Variants in PRKDC observed in about 807,000 individuals in gnomAD.
The protein encoded by PRKDC is protein kinase, DNA-activated, catalytic subunit.
Under a neutral mutation model 486.9 loss-of-function variants are expected in PRKDC, and 82 were observed. The ratio of observed to expected loss-of-function variants is 0.17; its 90% CI spans 0.14 to 0.20. PRKDC has a LOEUF of 0.20. PRKDC is among the 10% of genes least tolerant of loss of function. The pLI, the probability that PRKDC is intolerant of heterozygous loss-of-function variation, is 1.00. For missense variants in PRKDC, 4,504 were observed against 5,038.2 expected (o/e 0.89, Z 3.21); for synonymous variants, 1,895 against 1,837.0 (o/e 1.03, Z -0.81).
At chr8:47,946,450 G>A (rs1483776268) in intron 7 of PRKDC, among the ~76,000 whole-genome samples, 2 of 151,920 alleles carry the variant, frequency 1.3e-5, no homozygotes, top group East Asian at 3.9e-4. Context: ...CACTCTAGAG[G>A]TCCCATTTCT....
intron 31 of PRKDC, among the ~76,000 whole-genome samples, chr8:47,891,841 C>T (rs80143396): frequency 0.012 from 1,784 of 152,214 alleles, 35 homozygotes; most frequent in East Asian, 0.083. Flanking sequence ...TTAGAATAAA[C>T]CAAATATGGC....
At chr8:47,806,443 T>G (rs1199088703) in intron 69 of PRKDC, among the ~76,000 whole-genome samples, 1 of 152,216 alleles carries the variant, frequency 6.6e-6, no homozygotes, top group African/African-American at 2.4e-5. Flanking sequence ...AAATTCTTAC[T>G]TGATATTACA....
At position 47,902,576 on chromosome 8, in the gene PRKDC, C is replaced by T; in HGVS notation, c.3262G>A (p.Glu1088Lys). Reference sequence around the variant, plus strand: ...GTTGTGTAGCTTACAAACCTGAATTCCCTGTAGATATTATTAAAGGCAAGT... The same window carrying T: ...GTTGTGTAGCTTACAAACCTGAATTTCCTGTAGATATTATTAAAGGCAAGT... ...ASLAFNNIYR[E>K]FREEESLVEQ... Residue 1088 changes from glutamate (E) to lysine (K), a missense_variant, in exon 27 of 86, where the codon GAA (glutamate) becomes AAA (lysine). This residue lies in a region of PRKDC where 1,969 missense variants were observed against 2,068.9 expected (regional missense o/e 0.95). Coordinates refer to ENST00000314191, the MANE Select transcript of PRKDC (RefSeq NM_006904.7). 1.3e-6 allele frequency: 2 copies of T among 1,572,456 alleles called. No individual in the cohort carries two copies. The highest frequency in any genetic ancestry group is 8.6e-7 in the Non-Finnish European group (1 of 1,161,874).
Position 47,826,318 on chromosome 8 carries a change from A to G in PRKDC, c.8783+338T>C, listed in dbSNP as rs1185267321. Among the ~76,000 whole-genome samples, 8 of 152,372 alleles carry G rather than the reference A, an allele frequency of 5.3e-5. No homozygotes were observed. The East Asian group carries it at 1.5e-3, about 29-fold the overall frequency. On this transcript the variant is annotated intron_variant, in intron 63 of 85. Coordinates refer to ENST00000314191, the MANE Select transcript of PRKDC (RefSeq NM_006904.7). The stretch of plus-strand genomic sequence containing the variant: ...AAATCTTCCTCCATTCAGTGTAGTG[A>G]AGCAGGAAATAACATAAAATATTAG...
rs1380844431 is a variant in PRKDC, at chr8:47,859,005, A to C, written c.6208-19T>G. ...GCTGCTCCTGCGAAAGGGAGGGCCCAGGAGAGCAGAGGGTACAGTTAACAT... is the reference window on the plus strand; with the variant it reads ...GCTGCTCCTGCGAAAGGGAGGGCCCCGGAGAGCAGAGGGTACAGTTAACAT... On this transcript the variant is annotated intron_variant, in intron 46 of 85. Coordinates refer to ENST00000314191, the MANE Select transcript of PRKDC (RefSeq NM_006904.7). The C allele has an allele frequency of 6.2e-7, 1 of 1,610,506 alleles. No homozygotes were observed.
chr8:47,859,814 T>G, intron 45 of PRKDC, 55 bp from the exon 46 acceptor site: 5 of 1,470,046 alleles, frequency 3.4e-6, no homozygotes, highest in Non-Finnish European at 4.7e-6. Context: ...TAGTAAGAAA[T>G]GTATTTCTCT....
rs1179681580 is a variant in PRKDC, at chr8:47,929,923, G to A, written c.1982C>T (p.Pro661Leu). The change falls in exon 18 of 86, where the codon CCC becomes CTC. Residue 661 changes from proline to leucine, a missense_variant. Coordinates refer to ENST00000314191, the MANE Select transcript of PRKDC (RefSeq NM_006904.7). ...YELILQSTRL[P>L]LISGFYKLLS... ...CAATTTGTAGAAACCACTGATGAGG[G>A]GCAACCTTGTAGATTGCAAAATTAA... The A allele has an allele frequency of 5.0e-6, 8 of 1,608,544 alleles. No homozygotes were observed. The highest frequency in any genetic ancestry group is 6.8e-6 in the Non-Finnish European group (8 of 1,178,012).
intron 70 of PRKDC, among the ~76,000 whole-genome samples, chr8:47,802,865 G>T (rs2087137979): frequency 6.6e-6 from 1 of 152,102 alleles, no homozygotes; most frequent in Admixed American, 6.5e-5. Flanking sequence ...GTGTTAGCCA[G>T]GATGGTCTCG....
In PRKDC at chr8:47,798,399, T is replaced by C; in HGVS notation, c.10298-2A>G. 2 of 1,581,464 alleles carry C rather than the reference T, an allele frequency of 1.3e-6. No homozygotes were observed. The highest frequency in any genetic ancestry group is 1.7e-6 in the Non-Finnish European group (2 of 1,165,758). On this transcript the variant is annotated splice_acceptor_variant, in intron 72 of 85. Coordinates refer to ENST00000314191, the MANE Select transcript of PRKDC (RefSeq NM_006904.7). LOFTEE classifies it high-confidence loss of function. The stretch of plus-strand genomic sequence containing the variant: ...CCTGCAGTTCTGCAGAATCAATAAC[T>C]ATCAAGGACACCAAAGAAGAAAGCA...
At chr8:47,913,778 T>C (rs1040980748) in intron 24 of PRKDC, 123 bp downstream of exon 24, 25 of 980,200 alleles carry the variant, frequency 2.6e-5, no homozygotes, top group Admixed American at 3.0e-5. Context: ...CTAATTACTA[T>C]ATTACAGAAA....
chr8:47,916,363 G>A (rs556885678), intron 22 of PRKDC, among the ~76,000 whole-genome samples: 5 of 152,022 alleles, frequency 3.3e-5, no homozygotes, highest in South Asian at 2.1e-4. Context: ...CAGGAGAATC[G>A]CTTGAACCCA....
chr8:47,929,819 A>C (rs1263456290), intron 18 of PRKDC, 34 bp downstream of exon 18: 3 of 1,566,380 alleles, frequency 1.9e-6, no homozygotes, highest in Middle Eastern at 1.7e-4. Flanking sequence ...ACCTAAAAAA[A>C]CGCAAGATTC....
At chr8:47,803,198 A>C in intron 70 of PRKDC, 108 bp downstream of exon 70, 1 of 1,124,312 alleles carries the variant, frequency 8.9e-7, no homozygotes, top group Non-Finnish European at 1.2e-6. Context: ...ATTACTGCAA[A>C]GATTTACCTC....
At chr8:47,798,519 T>A (rs2087027554) in intron 72 of PRKDC, 122 bp from the exon 73 acceptor site, 1 of 1,040,364 alleles carries the variant, frequency 9.6e-7, no homozygotes, top group Non-Finnish European at 1.3e-6. Flanking sequence ...GTTCTCTTCT[T>A]AACTACCACT....
intron 16 of PRKDC, among the ~76,000 whole-genome samples, chr8:47,932,464 G>A (rs2090273953): frequency 6.6e-6 from 1 of 152,082 alleles, no homozygotes; most frequent in East Asian, 1.9e-4. Context: ...TGATCTGCCT[G>A]CCTCGGCCTC....
intron 11 of PRKDC, among the ~76,000 whole-genome samples, chr8:47,938,556 TA>T (rs2090391568): frequency 6.6e-6 from 1 of 152,106 alleles, no homozygotes. Context: ...TTATTCTCAA[TA>T]TTTTTTCTTT....
At chr8:47,864,246 C>G (rs1035331551) in intron 41 of PRKDC, among the ~76,000 whole-genome samples, 1 of 152,132 alleles carries the variant, frequency 6.6e-6, no homozygotes, top group Non-Finnish European at 1.5e-5. Context: ...ATGCTGGCAG[C>G]CCCTAGGACC....
At chr8:47,879,428 A>G in intron 39 of PRKDC, 63 bp downstream of exon 39, 1 of 1,411,462 alleles carries the variant, frequency 7.1e-7, no homozygotes, top group Non-Finnish European at 9.5e-7. Flanking sequence ...TCTTTTCATC[A>G]AGATATGTAA....
Position 47,858,414 on chromosome 8 carries a change from T to C in PRKDC, c.6465+102A>G, listed in dbSNP as rs8178151. 1.0e-3 allele frequency: 1,196 copies of C among 1,183,278 alleles called. 8 individuals are homozygous for C. In the African/African-American group the frequency reaches 0.017, roughly 16 times the overall value. 73.3% of individuals were successfully genotyped at this position (1,183,278 alleles called of 1,614,324 possible). On this transcript the variant is annotated intron_variant, in intron 48 of 85. Coordinates refer to ENST00000314191, the MANE Select transcript of PRKDC (RefSeq NM_006904.7). ...TTTATATTTTCCTTTTTTGTGTGTG[T>C]TTTTAAGTATATTCATAGAATTGCA...
Sources: gnomAD v4.1 joint callset for allele counts (sites outside exome capture counted in the v4.1 genomes callset) on GRCh38, gnomAD v4.1.1 for gene constraint, gnomAD v4.1.1 regional missense constraint, MANE v1.5 for transcripts, NCBI Gene and HGNC (gene_info 2026-07-23, HGNC 2026-07-21) for gene names.